CDC27: variants seen among roughly 807,000 people sequenced by gnomAD.
CDC27 encodes cell division cycle protein 27 homolog.
In CDC27, 27 loss-of-function variants were observed where a neutral mutation model predicts 109.7. The ratio of observed to expected loss-of-function variants is 0.25; its 90% CI spans 0.18 to 0.34. The LOEUF (loss-of-function observed/expected upper bound fraction) is 0.34. Ranked by LOEUF, CDC27 falls within the 10% of genes least tolerant of loss-of-function variation. The probability of loss-of-function intolerance (pLI) is 1.00; values close to 1 mark genes in which losing one functional copy is unlikely to be tolerated. For synonymous variants in CDC27, 266 were observed against 333.9 expected, an observed-to-expected ratio of 0.80 and a Z score of 2.22; for missense variants, 579 against 960.2, an observed-to-expected ratio of 0.60 and a Z score of 5.25.
At chr17:47,176,427 T>C (rs1363293550) in intron 2 of CDC27, among the ~76,000 whole-genome samples, 1 of 152,248 alleles carries the variant, frequency 6.6e-6, no homozygotes, top group East Asian at 1.9e-4. Context: ...ACTGGTTTTA[T>C]ACCTGTTGTT....
intron 8 of CDC27, among the ~76,000 whole-genome samples, chr17:47,152,780 T>C (rs1180244431): frequency 6.6e-6 from 1 of 152,210 alleles, no homozygotes; most frequent in Non-Finnish European, 1.5e-5. Flanking sequence ...ACATCACTGA[T>C]CATGCCCTAC....
At chr17:47,188,596 A>T (rs2064540246) in intron 1 of CDC27, 1 of 285,876 alleles carries the variant, frequency 3.5e-6, no homozygotes, top group Admixed American at 6.5e-5. Flanking sequence ...TCAAACCATC[A>T]TTGTCCGGTG....
At chr17:47,171,804 A>G in intron 3 of CDC27, 113 bp downstream of exon 3, 1 of 682,936 alleles carries the variant, frequency 1.5e-6, no homozygotes, top group Non-Finnish European at 2.4e-6. Flanking sequence ...ATGTTACTGA[A>G]ATAGATGGAA....
At position 47,120,931 on chromosome 17, in the gene CDC27, G is replaced by A; in HGVS notation, c.*4C>T. 1 of 1,606,210 alleles carries A rather than the reference G, an allele frequency of 6.2e-7. No individual in the cohort carries two copies. The highest frequency in any genetic ancestry group is 8.5e-7 in the Non-Finnish European group (1 of 1,173,592). ...TCCAGTTGTAAAAGTCTGATTTCCAGAAGTTAAAATTCATCACTTTCAGCT... is the reference window on the plus strand; with the variant it reads ...TCCAGTTGTAAAAGTCTGATTTCCAAAAGTTAAAATTCATCACTTTCAGCT... On this transcript the variant is annotated 3_prime_UTR_variant, in exon 19 of 19. Coordinates refer to ENST00000066544, the MANE Select transcript of CDC27 (RefSeq NM_001256.6).
intron 9 of CDC27, among the ~76,000 whole-genome samples, chr17:47,144,785 AAAT>A (rs552481540): frequency 3.7e-4 from 57 of 152,304 alleles, no homozygotes; most frequent in African/African-American, 1.3e-3. Context: ...GAATTTCAGA[AAAT>A]AAAAAGATAT....
chr17:47,175,174 G>GT (rs75418255), intron 2 of CDC27, among the ~76,000 whole-genome samples: 16,362 of 151,996 alleles, frequency 0.11, 1,309 homozygotes, highest in East Asian at 0.47. Flanking sequence ...TCTTTTGAGT[G>GT]TAAGTCCAAA....
intron 12 of CDC27, among the ~76,000 whole-genome samples, chr17:47,140,357 C>G (rs1368613062): frequency 6.6e-6 from 1 of 151,976 alleles, no homozygotes; most frequent in Non-Finnish European, 1.5e-5. Context: ...CAAGTGATCC[C>G]CCTTCCTTGG....
intron 8 of CDC27, among the ~76,000 whole-genome samples, chr17:47,152,969 G>A (rs2063193541): frequency 6.6e-6 from 1 of 152,066 alleles, no homozygotes; most frequent in African/African-American, 2.4e-5. Context: ...TCTATCAGCA[G>A]GTCACATTTT....
At chr17:47,179,835 C>G (rs1479234314) in intron 2 of CDC27, among the ~76,000 whole-genome samples, 1 of 152,226 alleles carries the variant, frequency 6.6e-6, no homozygotes, top group Non-Finnish European at 1.5e-5. Flanking sequence ...ATCTGGGAAT[C>G]TTGCCACCAA....
At chr17:47,172,157 ATTAGGCTTGCTATTTTAACAC>A in intron 2 of CDC27, 93 bp from the exon 3 acceptor site, 1 of 739,342 alleles carries the variant, frequency 1.4e-6, no homozygotes, top group Non-Finnish European at 2.0e-6. Flanking sequence ...AAAAAAAAAA[ATTAGGCTTGCTATTTTAACAC>A]AAAACAATCA....
intron 4 of CDC27, chr17:47,159,837 C>T (rs1259667866): frequency 8.4e-6 from 4 of 474,954 alleles, no homozygotes; most frequent in Admixed American, 2.5e-5. Context: ...AGATAGATCT[C>T]CTCCAGGGAC....
At chr17:47,164,887 C>T (rs566674033) in intron 4 of CDC27, among the ~76,000 whole-genome samples, 4 of 152,154 alleles carry the variant, frequency 2.6e-5, no homozygotes, top group East Asian at 1.9e-4. Flanking sequence ...AGTTTTTACA[C>T]GTTTATATAG....
chr17:47,166,443 A>T (rs2148950693), intron 4 of CDC27, among the ~76,000 whole-genome samples: 1 of 152,272 alleles, frequency 6.6e-6, no homozygotes, highest in East Asian at 1.9e-4. Flanking sequence ...TCCTCAGGGT[A>T]GGTAGTGATA....
Position 47,142,413 on chromosome 17 carries a change from C to G in CDC27, c.1194G>C (p.Met398Ile), listed in dbSNP as rs1296785926. The change falls in exon 11 of 19, where the codon ATG becomes ATC. Residue 398 changes from methionine to isoleucine, a missense_variant. Physicochemically the swap from Met to Ile is conservative, Grantham distance 10. Coordinates refer to ENST00000066544, the MANE Select transcript of CDC27 (RefSeq NM_001256.6). ...TGTTTGGGATTTTAGGTGGAAACTTCATTTTTAATTTTTTGCTATTCTCCT... is the reference window on the plus strand; with the variant it reads ...TGTTTGGGATTTTAGGTGGAAACTTGATTTTTAATTTTTTGCTATTCTCCT... ...TTKENSKKLKMKFPPKIPNRK... is the reference protein window; with the variant it reads ...TTKENSKKLKIKFPPKIPNRK... 1 of 1,472,686 alleles carries G rather than the reference C, an allele frequency of 6.8e-7. No homozygotes were observed. Among genetic ancestry groups the G allele is most frequent in the Non-Finnish European group, 9.3e-7 (1 of 1,073,892 alleles). The allele number at this position is 1,472,686 out of a possible 1,614,324, so 91.2% of individuals were successfully genotyped here. A position where few individuals can be genotyped will look rare whatever the true frequency, so the allele number is the denominator to read the frequency against.
intron 18 of CDC27, among the ~76,000 whole-genome samples, chr17:47,121,425 T>A (rs1401493601): frequency 6.6e-6 from 1 of 152,196 alleles, no homozygotes; most frequent in East Asian, 1.9e-4. Flanking sequence ...AAAAGGTTTA[T>A]GGGGTCAGTC....
At chr17:47,139,074 A>G (rs1055483293) in intron 12 of CDC27, among the ~76,000 whole-genome samples, 183 bp from the exon 13 acceptor site, 1 of 152,198 alleles carries the variant, frequency 6.6e-6, no homozygotes. Context: ...ATAGTGATGT[A>G]ACCATATTGA....
chr17:47,142,013 C>T lies in CDC27; in HGVS notation c.1391G>A (p.Ser464Asn), dbSNP rs756754152. ...ACCTTTCCCCATTTCACGAAGAAGG[C>T]TCATCAAACCTTCTAGGAGAAAACA... Reference protein sequence around the residue: ...LQKAAAEGLMSLLREMGKGYL... With the variant: ...LQKAAAEGLMNLLREMGKGYL... Residue 464 changes from serine to asparagine, a missense_variant, in exon 12 of 19, where the codon AGC (serine) becomes AAC (asparagine). Coordinates refer to ENST00000066544, the MANE Select transcript of CDC27 (RefSeq NM_001256.6). 2.8e-5 allele frequency: 45 copies of T among 1,586,004 alleles called. No individual in the cohort carries two copies. The highest frequency in any genetic ancestry group is 3.7e-5 in the Non-Finnish European group (43 of 1,168,820).
intron 1 of CDC27, chr17:47,188,887 G>A (rs1598635720): frequency 7.2e-7 from 1 of 1,379,806 alleles, no homozygotes; most frequent in East Asian, 2.7e-5. Flanking sequence ...AAGGCTGGCC[G>A]GACGTTGGCT....
intron 2 of CDC27, among the ~76,000 whole-genome samples, chr17:47,174,091 T>TTAAA (rs940391703): frequency 1.3e-5 from 2 of 152,098 alleles, no homozygotes; most frequent in African/African-American, 4.8e-5. Context: ...GAGATTCTGT[T>TTAAA]TAAATAAATA....
Sources: allele counts gnomAD v4.1 joint callset (sites outside exome capture counted in the v4.1 genomes callset), GRCh38; gene constraint gnomAD v4.1.1; transcripts MANE v1.5; gene names NCBI Gene and HGNC (gene_info 2026-07-23, HGNC 2026-07-21).